CDC123: variants seen among roughly 807,000 people sequenced by gnomAD.
The protein encoded by CDC123 is translation initiation factor eIF2 assembly protein.
CDC123 carries 37 observed loss-of-function variants against 54.4 expected under a neutral mutation model. That is an observed-to-expected ratio of 0.68 (90% CI 0.52 to 0.89). The LOEUF (loss-of-function observed/expected upper bound fraction) is 0.89. Ranked by LOEUF, CDC123 falls within the 40% of genes least tolerant of loss-of-function variation. CDC123 has a pLI of 0.00. For synonymous variants in CDC123, 144 were observed against 136.8 expected, an observed-to-expected ratio of 1.05 and a Z score of -0.37; for missense variants, 361 against 412.1, an observed-to-expected ratio of 0.88 and a Z score of 1.07.
chr10:12,206,189 C>G (rs1835516984), intron 2 of CDC123, among the ~76,000 whole-genome samples: 1 of 152,170 alleles, frequency 6.6e-6, no homozygotes, highest in South Asian at 2.1e-4. Context: ...TTCTGAAGAA[C>G]TATATGAATA....
At chr10:12,214,851 G>T (rs1835643480) in intron 4 of CDC123, among the ~76,000 whole-genome samples, 1 of 151,934 alleles carries the variant, frequency 6.6e-6, no homozygotes, top group South Asian at 2.1e-4. Context: ...ACTTATAGTT[G>T]CCCGATAGGG....
intron 6 of CDC123, among the ~76,000 whole-genome samples, chr10:12,219,645 T>C (rs1418283138): frequency 1.3e-5 from 2 of 152,138 alleles, no homozygotes; most frequent in African/African-American, 2.4e-5. Context: ...TCTTAAAATA[T>C]GTTACACTGA....
chr10:12,230,933 C>A lies in CDC123; in HGVS notation c.441-15C>A. 6.2e-7 allele frequency: 1 copy of A among 1,611,030 alleles called. No individual in the cohort carries two copies. Among genetic ancestry groups the A allele is most frequent in the Non-Finnish European group, 8.5e-7 (1 of 1,178,824 alleles). On this transcript the variant is annotated splice_polypyrimidine_tract_variant and intron_variant, in intron 6 of 12. Transcript: ENST00000281141. ...TAACAAAAAGATTCAGTTGCCTTTT[C>A]TTCTTCTTCCAAAGGTTTATTCATT...
intron 6 of CDC123, among the ~76,000 whole-genome samples, chr10:12,222,216 C>T (rs1315968045): frequency 6.6e-6 from 1 of 152,234 alleles, no homozygotes; most frequent in Non-Finnish European, 1.5e-5. Context: ...GGAGGGTAGA[C>T]AGCTAGTGCT....
intron 2 of CDC123, 118 bp downstream of exon 2, chr10:12,198,894 ATGTGC>A: frequency 1.5e-6 from 1 of 647,896 alleles, no homozygotes; most frequent in Non-Finnish European, 2.8e-6. Context: ...AGCCAAAATG[ATGTGC>A]TGATCTTTGT....
intron 2 of CDC123, among the ~76,000 whole-genome samples, chr10:12,200,420 C>G (rs371132631): frequency 5.3e-5 from 8 of 151,806 alleles, no homozygotes; most frequent in Non-Finnish European, 1.0e-4. Context: ...GCCACTGTGC[C>G]CAGTCAGTTT....
intron 12 of CDC123, 176 bp downstream of exon 12, chr10:12,249,894 T>A (rs1836218339): frequency 3.8e-6 from 3 of 792,086 alleles, no homozygotes; most frequent in Non-Finnish European, 5.6e-6. Flanking sequence ...GCTGAAGGCA[T>A]AATTTATTGA....
intron 11 of CDC123, chr10:12,246,620 C>G (rs769359864): frequency 5.4e-6 from 1 of 184,866 alleles, no homozygotes; most frequent in South Asian, 1.2e-4. Flanking sequence ...AAGTTACACA[C>G]GTGCAGCCCA....
Position 12,235,138 on chromosome 10 carries a change from G to A in CDC123, c.565+15G>A, listed in dbSNP as rs1442582127. ...CAAGCTTATTGGTGAGTTTTTGTTT[G>A]TTTGTTTGTTTTATCCTTCAAAGTC... On this transcript the variant is annotated intron_variant, in intron 8 of 12. Transcript: ENST00000281141. The A allele has an allele frequency of 2.5e-6, 4 of 1,598,990 alleles. No homozygotes were observed. The African/African-American group carries it at 4.2e-5, about 17-fold the overall frequency.
chr10:12,223,116 A>C (rs1448719010), intron 6 of CDC123, among the ~76,000 whole-genome samples: 1 of 150,808 alleles, frequency 6.6e-6, no homozygotes, highest in Non-Finnish European at 1.5e-5. Context: ...GGATGGTCTC[A>C]ATCTCCTGAC....
rs1312841710 is a variant in CDC123 at position 12,223,036 on chromosome 10, C to T, written c.440+5569C>T. 3.3e-5 allele frequency among the ~76,000 whole-genome samples: 5 copies of T among 152,022 alleles called. No homozygotes were observed. In the East Asian group the frequency reaches 9.8e-4, roughly 30 times the overall value. On this transcript the variant is annotated intron_variant, in intron 6 of 12. Transcript: ENST00000281141. Reference sequence around the variant, plus strand: ...CCTCCCGAGTAGCTGGGACTACAGGCGCCTGCCACCATGCCTGGCTAATTT... The same window carrying T: ...CCTCCCGAGTAGCTGGGACTACAGGTGCCTGCCACCATGCCTGGCTAATTT...
intron 10 of CDC123, among the ~76,000 whole-genome samples, chr10:12,242,274 T>TCCCTCGCACA (rs1462274041): frequency 2.2e-4 from 34 of 152,330 alleles, no homozygotes; most frequent in Admixed American, 3.9e-4. Context: ...CCCAGGTCCT[T>TCCCTCGCACA]TGGGAAGCAT....
chr10:12,206,079 C>T (rs1295577648), intron 2 of CDC123, among the ~76,000 whole-genome samples: 6 of 152,204 alleles, frequency 3.9e-5, no homozygotes, highest in Non-Finnish European at 5.9e-5. Flanking sequence ...GGATTACAGG[C>T]GTGAGCCACC....
intron 2 of CDC123, among the ~76,000 whole-genome samples, chr10:12,201,215 A>C (rs1032232275): frequency 2.0e-5 from 3 of 152,250 alleles, no homozygotes; most frequent in African/African-American, 7.2e-5. Context: ...AAGTGATAAT[A>C]CATAAAATGT....
At chr10:12,198,378 C>G (rs1476601997) in intron 1 of CDC123, among the ~76,000 whole-genome samples, 1 of 152,194 alleles carries the variant, frequency 6.6e-6, no homozygotes, top group Non-Finnish European at 1.5e-5. Flanking sequence ...CAGCAAATAT[C>G]TGCTGGTCTC....
At chr10:12,199,359 G>T (rs900382689) in intron 2 of CDC123, among the ~76,000 whole-genome samples, 1 of 152,194 alleles carries the variant, frequency 6.6e-6, no homozygotes, top group Non-Finnish European at 1.5e-5. Flanking sequence ...CGTTATGAGT[G>T]TTCAGCCCTC....
At chr10:12,218,247 C>CTTTT (rs34125393) in intron 6 of CDC123, among the ~76,000 whole-genome samples, 2 of 119,210 alleles carry the variant, frequency 1.7e-5, no homozygotes, top group African/African-American at 3.1e-5. Flanking sequence ...CTTTTTTTTT[C>CTTTT]TTTTTTTTTT....
chr10:12,249,523 C>T, intron 11 of CDC123, 58 bp from the exon 12 acceptor site: 1 of 1,538,588 alleles, frequency 6.5e-7, no homozygotes, highest in South Asian at 1.2e-5. Flanking sequence ...TTTTAGTTCA[C>T]AGAATAGGCC....
At chr10:12,227,652 C>T (rs1269749646) in intron 6 of CDC123, among the ~76,000 whole-genome samples, 1 of 152,078 alleles carries the variant, frequency 6.6e-6, no homozygotes, top group African/African-American at 2.4e-5. Context: ...CATGTGCCAC[C>T]ATGCCCAGCT....
Sources: gnomAD v4.1 joint callset for allele counts (sites outside exome capture counted in the v4.1 genomes callset) on GRCh38, gnomAD v4.1.1 for gene constraint, MANE v1.5 for transcripts, NCBI Gene and HGNC (gene_info 2026-07-23, HGNC 2026-07-21) for gene names.